The following GARS1 variants were observed in gnomAD, a reference collection of about 807,000 sequenced individuals.
The protein encoded by GARS1 is glycine--tRNA ligase.
A neutral mutation model predicts 86.4 loss-of-function variants in GARS1; 46 were observed. The observed-to-expected ratio is 0.53, with a 90% CI of 0.42 to 0.68. The LOEUF is 0.68. Among genes scored for constraint, GARS1 ranks in the 30% least tolerant of loss-of-function variants. GARS1 has a pLI of 0.00. For synonymous variants in GARS1, 342 were observed against 329.8 expected (o/e 1.04, Z -0.40); for missense variants, 797 against 915.6 (o/e 0.87, Z 1.67).
intron 6 of GARS1, among the ~76,000 whole-genome samples, chr7:30,606,611 A>G (rs1384711916): frequency 6.6e-6 from 1 of 152,184 alleles, no homozygotes; most frequent in African/African-American, 2.4e-5. Flanking sequence ...TTTGGTGACT[A>G]GGAGTTCTCT....
rs989417628 is a variant in GARS1, at chr7:30,632,829, G to A, written c.2094+392G>A. 6.6e-6 allele frequency among the ~76,000 whole-genome samples: 1 copy of A among 152,130 alleles called. No homozygotes were observed. Among genetic ancestry groups the A allele is most frequent in the Non-Finnish European group, 1.5e-5 (1 of 68,028 alleles). On this transcript the variant is annotated intron_variant, in intron 16 of 16. Coordinates refer to ENST00000389266, the MANE Select transcript of GARS1 (RefSeq NM_002047.4). The surrounding 1 kb of genome is among the most constrained non-coding windows in gnomAD (Gnocchi z 4.1). ...TACATGTGTATGTATAAGCTTTTCC[G>A]TGTTCATATATTCAAAACAGTGAAT...
At position 30,615,995 on chromosome 7, in the gene GARS1, A is replaced by G; in HGVS notation, c.1131A>G (p.Ser377=). The change falls in exon 9 of 17, where the codon TCA becomes TCG. Residue 377 remains serine, a synonymous_variant. Transcript: ENST00000389266. ...NVADLHLYLY[S]AKAQVSGQSA... ...CAGACCTTCACCTTTATTTGTATTCAGCAAAAGCCCAGGTCAGCGGACAGT... is the reference window on the plus strand; with the variant it reads ...CAGACCTTCACCTTTATTTGTATTCGGCAAAAGCCCAGGTCAGCGGACAGT... 1 of 1,614,202 alleles carries G rather than the reference A, an allele frequency of 6.2e-7. No homozygotes were observed. The highest frequency in any genetic ancestry group is 2.2e-5 in the East Asian group (1 of 44,882).
chr7:30,598,052 G>T (rs1791292990), intron 1 of GARS1, among the ~76,000 whole-genome samples: 1 of 152,232 alleles, frequency 6.6e-6, no homozygotes, highest in Admixed American at 6.5e-5. Flanking sequence ...TGAGCCAGCA[G>T]TGACTGAGAA....
At chr7:30,621,598 G>A in intron 11 of GARS1, 98 bp downstream of exon 11, 1 of 895,628 alleles carries the variant, frequency 1.1e-6, no homozygotes. Flanking sequence ...GATAAATGGA[G>A]ATGTTTTAGA....
chr7:30,632,187 G>C lies in GARS1; in HGVS notation c.1904-60G>C, dbSNP rs1783246849. On this transcript the variant is annotated intron_variant, in intron 15 of 16. Coordinates refer to ENST00000389266, the MANE Select transcript of GARS1 (RefSeq NM_002047.4). The surrounding 1 kb of genome is among the most constrained non-coding windows in gnomAD (Gnocchi z 4.1). The stretch of plus-strand genomic sequence containing the variant: ...TCCTGAGCTTGTAAGACAGTAGTTA[G>C]ATAACACTGGGCTTAACTCCATTGT... 2.0e-6 allele frequency: 3 copies of C among 1,522,552 alleles called. No individual in the cohort carries two copies. Among genetic ancestry groups the C allele is most frequent in the South Asian group, 1.2e-5 (1 of 86,272 alleles). 94.3% of individuals were successfully genotyped at this position (1,522,552 alleles called of 1,614,324 possible). A position where few individuals can be genotyped will look rare whatever the true frequency, so the allele number is the denominator to read the frequency against.
chr7:30,614,830 C>T (rs564820159), intron 8 of GARS1, among the ~76,000 whole-genome samples: 67 of 149,342 alleles, frequency 4.5e-4, no homozygotes, highest in Middle Eastern at 3.4e-3. Flanking sequence ...GAGCCGAGAT[C>T]GCGCCACTGC....
intron 9 of GARS1, among the ~76,000 whole-genome samples, chr7:30,616,577 T>C (rs1782894357): frequency 6.6e-6 from 1 of 152,240 alleles, no homozygotes; most frequent in Admixed American, 6.5e-5. Flanking sequence ...AAAATACTCC[T>C]GGCAAGGTTG....
At position 30,631,490 on chromosome 7, in the gene GARS1, G is replaced by A. The variant is rs369894731; in HGVS notation, c.1852G>A (p.Val618Ile). Residue 618 changes from valine to isoleucine, a missense_variant, in exon 15 of 17, where the codon GTC (valine) becomes ATC (isoleucine). Val to Ile is a conservative substitution (Grantham distance 29). Transcript: ENST00000389266. The part of the protein sequence containing the change: ...PAVVAPFKCS[V>I]LPLSQNQEFM... ...TGTAGTTGCTCCATTCAAATGTTCC[G>A]TCCTCCCACTGAGCCAAAACCAGGA... 6.0e-5 allele frequency: 96 copies of A among 1,613,252 alleles called. No individual in the cohort carries two copies. The highest frequency in any genetic ancestry group is 7.2e-5 in the Non-Finnish European group (85 of 1,179,716).
At chr7:30,617,300 ATGTGATTTTCACAT>A (rs765558780) in intron 10 of GARS1, 22 bp downstream of exon 10, 90 of 1,612,618 alleles carry the variant, frequency 5.6e-5, no homozygotes, top group Non-Finnish European at 7.5e-5. Flanking sequence ...GCTGTTTACC[ATGTGATTTTCACAT>A]TGTTAACTTA....
chr7:30,597,523 A>T (rs1791276399), intron 1 of GARS1, among the ~76,000 whole-genome samples: 4 of 152,204 alleles, frequency 2.6e-5, no homozygotes, highest in Admixed American at 2.0e-4. Flanking sequence ...GACTTTCCAC[A>T]TTGGTCTTTT....
rs1008004639 is a variant in GARS1 at position 30,612,038 on chromosome 7, G to C, written c.882-58G>C. On this transcript the variant is annotated intron_variant, in intron 7 of 16. Transcript: ENST00000389266. ...TTAGGATTTGTATCTAGAATTTCAGGATTGTTGGAAAACATAATTTCTTTC... is the reference window on the plus strand; with the variant it reads ...TTAGGATTTGTATCTAGAATTTCAGCATTGTTGGAAAACATAATTTCTTTC... 2.7e-6 allele frequency: 4 copies of C among 1,476,026 alleles called. No homozygotes were observed. In the African/African-American group the frequency reaches 5.5e-5, roughly 20 times the overall value. 91.4% of individuals were successfully genotyped at this position (1,476,026 alleles called of 1,614,324 possible). A position where few individuals can be genotyped will look rare whatever the true frequency, so the allele number is the denominator to read the frequency against.
At chr7:30,620,428 G>A (rs1782981412) in intron 10 of GARS1, among the ~76,000 whole-genome samples, 1 of 152,108 alleles carries the variant, frequency 6.6e-6, no homozygotes, top group Admixed American at 6.5e-5. Context: ...AAGAGGGCAA[G>A]AGAGCTCTCT....
chr7:30,595,802 A>C (rs535678992), intron 1 of GARS1: 1 of 471,090 alleles, frequency 2.1e-6, no homozygotes, highest in Non-Finnish European at 4.4e-6. Context: ...TGCTCTTGTC[A>C]TCTTTTCTGG....
intron 16 of GARS1, 64 bp from the exon 17 acceptor site, chr7:30,633,671 G>GA: frequency 6.3e-7 from 1 of 1,580,892 alleles, no homozygotes; most frequent in African/African-American, 1.3e-5. Context: ...AGTTCAGGAT[G>GA]AATCTTCTTC....
At position 30,594,983 on chromosome 7, in the gene GARS1, C is replaced by A; in HGVS notation, c.62C>A (p.Pro21Gln). ...GARAALLLLL[P>Q]PRLLARPSLL... ...CGCGCCGCTCTGCTGCTGCTGCTGC[C>A]GCCCCGGCTCTTAGCCCGACCCTCG... Residue 21 changes from proline to glutamine, a missense_variant, in exon 1 of 17, where the codon CCG (proline) becomes CAG (glutamine). By Grantham distance (76) the Pro-to-Gln change is moderately conservative (BLOSUM62 -1). Transcript: ENST00000389266. 1 of 1,594,294 alleles carries A rather than the reference C, an allele frequency of 6.3e-7. No individual in the cohort carries two copies. Among genetic ancestry groups the A allele is most frequent in the South Asian group, 1.1e-5 (1 of 90,000 alleles).
At chr7:30,621,042 AT>A (rs1019006095) in intron 10 of GARS1, among the ~76,000 whole-genome samples, 5 of 148,406 alleles carry the variant, frequency 3.4e-5, no homozygotes, top group East Asian at 2.0e-4. Flanking sequence ...TGAATTATAT[AT>A]TTTTTTCTTT....
At chr7:30,607,941 A>G (rs1259461078) in intron 6 of GARS1, among the ~76,000 whole-genome samples, 1 of 152,210 alleles carries the variant, frequency 6.6e-6, no homozygotes, top group Non-Finnish European at 1.5e-5. Context: ...TGCATTCCAT[A>G]CACACTTTTC....
chr7:30,600,943 C>T, intron 3 of GARS1, 116 bp from the exon 4 acceptor site: 1 of 936,370 alleles, frequency 1.1e-6, no homozygotes, highest in Non-Finnish European at 1.7e-6. Context: ...GAGGGATTTG[C>T]ATTGTTGACT....
In GARS1 at chr7:30,595,053, C is replaced by G. The variant is rs780443594; in HGVS notation, c.132C>G (p.Ile44Met). The change falls in exon 1 of 17, where the codon ATC (isoleucine) becomes ATG (methionine). Residue 44 changes from isoleucine to methionine, a missense_variant. Physicochemically the swap from Ile to Met is conservative, Grantham distance 10. This residue lies in a region of GARS1 where 199 missense variants were observed against 176.9 expected (regional missense o/e 1.12). Transcript: ENST00000389266. ...RSLSAASCPP[I>M]SLPAAASRSS... is the part of the protein sequence containing the mutation. ...TCAGCGCGGCCTCCTGCCCCCCGAT[C>G]TCCTTGCCCGCCGCCGCCTCCCGGA... The G allele has an allele frequency of 1.3e-6, 2 of 1,556,570 alleles. No individual in the cohort carries two copies. The highest frequency in any genetic ancestry group is 2.3e-5 in the South Asian group (2 of 85,748).
Sources: gnomAD v4.1 joint callset for allele counts (sites outside exome capture counted in the v4.1 genomes callset) on GRCh38, gnomAD v4.1.1 for gene constraint, gnomAD v4.1.1 regional missense constraint, Gnocchi (gnomAD v3.1) non-coding constraint, MANE v1.5 for transcripts, NCBI Gene and HGNC (gene_info 2026-07-23, HGNC 2026-07-21) for gene names.